Variants in SYT9 observed in about 807,000 individuals in gnomAD.
SYT9 encodes the protein synaptotagmin 9, also known as synaptotagmin-9.
SYT9 carries 22 observed loss-of-function variants against 48.4 expected under a neutral mutation model. The observed-to-expected ratio is 0.45, with a 90% CI of 0.32 to 0.65. The LOEUF (loss-of-function observed/expected upper bound fraction) is 0.65, where lower values mean the gene tolerates loss of function less well. SYT9 is among the 30% of genes least tolerant of loss of function. The probability of loss-of-function intolerance (pLI) is 0.03; values close to 1 mark genes in which losing one functional copy is unlikely to be tolerated. For synonymous variants in SYT9, 265 were observed against 245.0 expected, an observed-to-expected ratio of 1.08 and a Z score of -0.76; for missense variants, 577 against 622.0, an observed-to-expected ratio of 0.93 and a Z score of 0.77.
At chr11:7,464,926 CAAAAAA>C (rs750584301) in intron 6 of SYT9, among the ~76,000 whole-genome samples, 7 of 143,890 alleles carry the variant, frequency 4.9e-5, no homozygotes, top group Non-Finnish European at 1.1e-4. Context: ...ACTAAAAATA[CAAAAAA>C]AAAAAATTAG....
chr11:7,464,925 A>AT (rs1223918368), intron 6 of SYT9, among the ~76,000 whole-genome samples: 1 of 151,486 alleles, frequency 6.6e-6, no homozygotes, highest in Non-Finnish European at 1.5e-5. Context: ...TACTAAAAAT[A>AT]CAAAAAAAAA....
intron 3 of SYT9, among the ~76,000 whole-genome samples, chr11:7,347,270 C>T (rs1468982085): frequency 2.0e-5 from 3 of 151,106 alleles, no homozygotes; most frequent in Non-Finnish European, 4.4e-5. Context: ...TCACGCTTGT[C>T]CCCCAGGCTG....
intron 3 of SYT9, among the ~76,000 whole-genome samples, chr11:7,398,412 C>CTTT (rs71059106): frequency 3.2e-5 from 4 of 125,842 alleles, no homozygotes; most frequent in African/African-American, 1.2e-4. Flanking sequence ...GTTTTCTTTT[C>CTTT]TTTTTTTTTT....
At chr11:7,256,210 G>A (rs959568714) in intron 1 of SYT9, among the ~76,000 whole-genome samples, 1 of 152,110 alleles carries the variant, frequency 6.6e-6, no homozygotes, top group Non-Finnish European at 1.5e-5. Context: ...CTTCTGTAGG[G>A]TGCCAACCAT....
chr11:7,300,106 C>G (rs898815248), intron 1 of SYT9, among the ~76,000 whole-genome samples: 1 of 151,864 alleles, frequency 6.6e-6, no homozygotes. Flanking sequence ...ATTATATGAT[C>G]ACACAAATTA....
At chr11:7,251,195 T>A (rs1211427381), upstream of SYT9, among the ~76,000 whole-genome samples, 1 of 151,916 alleles carries the variant, frequency 6.6e-6, no homozygotes. Flanking sequence ...GATGGGTGGA[T>A]GAGAGGTGCC....
chr11:7,251,792 A>G (rs999085478), upstream of SYT9, among the ~76,000 whole-genome samples: 59 of 151,772 alleles, frequency 3.9e-4, no homozygotes, highest in African/African-American at 1.3e-3. Flanking sequence ...GCCGGGGAGT[A>G]CCCCAGGTCC....
At chr11:7,409,940 T>G (rs1418699160) in intron 3 of SYT9, among the ~76,000 whole-genome samples, 1 of 152,156 alleles carries the variant, frequency 6.6e-6, no homozygotes, top group East Asian at 1.9e-4. Flanking sequence ...ATCATTGGGT[T>G]GTTTGTTTGA....
At chr11:7,432,832 T>C (rs1286112844) in intron 6 of SYT9, among the ~76,000 whole-genome samples, 3 of 151,820 alleles carry the variant, frequency 2.0e-5, no homozygotes, top group Admixed American at 2.0e-4. Flanking sequence ...GATGAGACTT[T>C]GGACTTTGAA....
At chr11:7,360,537 G>A (rs886737508) in intron 3 of SYT9, among the ~76,000 whole-genome samples, 2 of 152,160 alleles carry the variant, frequency 1.3e-5, no homozygotes, top group African/African-American at 4.8e-5. Context: ...TTGAGCAGTG[G>A]TTTGTAGTTC....
At chr11:7,434,137 A>G (rs914428086) in intron 6 of SYT9, among the ~76,000 whole-genome samples, 2 of 152,198 alleles carry the variant, frequency 1.3e-5, no homozygotes, top group African/African-American at 4.8e-5. Context: ...CTGCTGTGCC[A>G]TGAATTCAAA....
At chr11:7,409,154 A>G (rs989686704) in intron 3 of SYT9, among the ~76,000 whole-genome samples, 4 of 152,194 alleles carry the variant, frequency 2.6e-5, no homozygotes, top group African/African-American at 9.7e-5. Flanking sequence ...ATCTATTGAG[A>G]TGATCATATG....
At chr11:7,410,516 C>T (rs1260961431) in intron 3 of SYT9, among the ~76,000 whole-genome samples, 1 of 152,166 alleles carries the variant, frequency 6.6e-6, no homozygotes, top group Admixed American at 6.5e-5. Flanking sequence ...TGAATCTGGG[C>T]ACTCCAGGGT....
chr11:7,243,971 G>A (rs1250917529), intron 1 of SYT9, among the ~76,000 whole-genome samples: 1 of 151,688 alleles, frequency 6.6e-6, no homozygotes, highest in African/African-American at 2.4e-5. Context: ...TCATCTGTTG[G>A]TGGAGGGTAC....
chr11:7,365,963 T>C (rs1051251967), intron 3 of SYT9, among the ~76,000 whole-genome samples: 1 of 152,216 alleles, frequency 6.6e-6, no homozygotes, highest in African/African-American at 2.4e-5. Flanking sequence ...CCTGTTCTGC[T>C]GATGTACCCT....
chr11:7,250,283 G>T (rs1380479745), upstream of SYT9, among the ~76,000 whole-genome samples: 1 of 152,162 alleles, frequency 6.6e-6, no homozygotes, highest in Non-Finnish European at 1.5e-5. Flanking sequence ...ATCAGCTAAT[G>T]CCTTTGGCCT....
upstream of SYT9, among the ~76,000 whole-genome samples, chr11:7,248,779 C>T (rs890862838): frequency 2.6e-5 from 4 of 152,078 alleles, no homozygotes; most frequent in African/African-American, 9.7e-5. Flanking sequence ...ACAAATTCAA[C>T]ACAATTCCCA....
At chr11:7,404,605 G>T (rs908891497) in intron 3 of SYT9, among the ~76,000 whole-genome samples, 1 of 152,042 alleles carries the variant, frequency 6.6e-6, no homozygotes, top group Non-Finnish European at 1.5e-5. Flanking sequence ...TCTAGCTGGG[G>T]TTATTTGGGT....
intron 3 of SYT9, among the ~76,000 whole-genome samples, chr11:7,369,794 A>AAC (rs58554896): frequency 0.25 from 36,060 of 143,824 alleles, 5,212 homozygotes; most frequent in East Asian, 0.59. Context: ...CACACACACA[A>AAC]ACACACACAC....
Sources: gnomAD v4.1 joint callset for allele counts (sites outside exome capture counted in the v4.1 genomes callset) on GRCh38, gnomAD v4.1.1 for gene constraint, MANE v1.5 for transcripts, NCBI Gene and HGNC (gene_info 2026-07-23, HGNC 2026-07-21) for gene names.